Variants in LRRC4C observed in about 807,000 individuals in gnomAD.
LRRC4C encodes the protein leucine rich repeat containing 4C.
Under a neutral mutation model 33.6 loss-of-function variants are expected in LRRC4C, and 5 were observed. The observed-to-expected ratio is 0.15, with a 90% CI of 0.08 to 0.31. LRRC4C has a LOEUF of 0.31. Ranked by LOEUF, LRRC4C falls within the 10% of genes least tolerant of loss-of-function variation. The pLI, the probability that LRRC4C is intolerant of heterozygous loss-of-function variation, is 1.00. For synonymous variants in LRRC4C, 329 were observed against 302.0 expected, an observed-to-expected ratio of 1.09 and a Z score of -0.93; for missense variants, 560 against 796.7, an observed-to-expected ratio of 0.70 and a Z score of 3.58.
intron 2 of LRRC4C, among the ~76,000 whole-genome samples, chr11:40,871,803 AT>A (rs1332556971): frequency 6.6e-6 from 1 of 152,066 alleles, no homozygotes; most frequent in African/African-American, 2.4e-5. Flanking sequence ...ATCCTTCTTT[AT>A]ACCTGCCTTA....
At chr11:41,370,226 C>T (rs918037963) in intron 1 of LRRC4C, among the ~76,000 whole-genome samples, 2 of 152,038 alleles carry the variant, frequency 1.3e-5, no homozygotes, top group Non-Finnish European at 2.9e-5. Flanking sequence ...TATCACCCAC[C>T]AGGCTGAAGT....
chr11:41,025,005 C>A (rs1856243378), intron 1 of LRRC4C, among the ~76,000 whole-genome samples: 1 of 151,534 alleles, frequency 6.6e-6, no homozygotes, highest in Admixed American at 6.6e-5. Context: ...GTGCCACAAA[C>A]CAAGCCCTTA....
At chr11:41,112,964 A>T (rs16935350) in intron 1 of LRRC4C, among the ~76,000 whole-genome samples, 1 of 152,050 alleles carries the variant, frequency 6.6e-6, no homozygotes, top group African/African-American at 2.4e-5. Context: ...ATTAGCGTAT[A>T]TTGGGTTAAA....
chr11:40,854,505 T>C (rs914580946), intron 2 of LRRC4C, among the ~76,000 whole-genome samples: 1 of 152,204 alleles, frequency 6.6e-6, no homozygotes, highest in Admixed American at 6.5e-5. Context: ...GAGGATTTTG[T>C]ATACATAAAA....
At chr11:40,486,632 T>C (rs1953877380) in intron 3 of LRRC4C, among the ~76,000 whole-genome samples, 2 of 151,952 alleles carry the variant, frequency 1.3e-5, no homozygotes, top group African/African-American at 4.8e-5. Context: ...AATATTCTTA[T>C]ATAGAAGACA....
At chr11:40,430,306 G>A (rs956351367) in intron 3 of LRRC4C, among the ~76,000 whole-genome samples, 1 of 152,142 alleles carries the variant, frequency 6.6e-6, no homozygotes, top group Admixed American at 6.6e-5. Flanking sequence ...GATTATTAAT[G>A]TCCTAGAAGA....
intron 3 of LRRC4C, among the ~76,000 whole-genome samples, chr11:40,387,632 C>T (rs1030618770): frequency 6.6e-6 from 1 of 152,090 alleles, no homozygotes; most frequent in African/African-American, 2.4e-5. Context: ...CATTTATTGA[C>T]ATGAAGGTGA....
At chr11:40,218,037 T>C (rs1298163493) in intron 5 of LRRC4C, among the ~76,000 whole-genome samples, 1 of 152,150 alleles carries the variant, frequency 6.6e-6, no homozygotes, top group Non-Finnish European at 1.5e-5. Context: ...ATATTGTGGC[T>C]AAGTGTCAAT....
chr11:40,586,250 T>G (rs11035942), intron 3 of LRRC4C, among the ~76,000 whole-genome samples: 27,689 of 151,726 alleles, frequency 0.18, 2,956 homozygotes, highest in East Asian at 0.48. Context: ...TTTCATGTGT[T>G]TTTTGGCTGC....
intron 1 of LRRC4C, among the ~76,000 whole-genome samples, chr11:41,241,698 C>T (rs79344334): frequency 0.017 from 2,564 of 152,266 alleles, 70 homozygotes; most frequent in African/African-American, 0.059. Context: ...GTAGGTATCA[C>T]TTTTCTTTTG....
intron 1 of LRRC4C, among the ~76,000 whole-genome samples, chr11:41,258,345 G>A (rs186736944): frequency 3.9e-5 from 6 of 152,056 alleles, no homozygotes; most frequent in African/African-American, 1.4e-4. Flanking sequence ...TAGCCTTCAC[G>A]AGTTCTCTAA....
chr11:40,496,709 G>A (rs560603832), intron 3 of LRRC4C, among the ~76,000 whole-genome samples: 2 of 152,154 alleles, frequency 1.3e-5, no homozygotes, highest in African/African-American at 4.8e-5. Context: ...TGATTAATGG[G>A]GAGATAGAAA....
At chr11:41,364,851 A>G (rs1952478403) in intron 1 of LRRC4C, among the ~76,000 whole-genome samples, 1 of 152,140 alleles carries the variant, frequency 6.6e-6, no homozygotes, top group Non-Finnish European at 1.5e-5. Flanking sequence ...CCCCAAATGA[A>G]ACAAATTCAC....
Position 41,250,437 on chromosome 11 carries a change from T to G in LRRC4C, c.-496+208994A>C, listed in dbSNP as rs180869114. On this transcript the variant is annotated intron_variant, in intron 1 of 6. Coordinates refer to ENST00000528697, the MANE Select transcript of LRRC4C (RefSeq NM_001258419.2). ...ACCAATCTACCTTCTGACACTGCCTTGTGTCACTTTGTAAAGGTCATAGAT... is the reference window on the plus strand; with the variant it reads ...ACCAATCTACCTTCTGACACTGCCTGGTGTCACTTTGTAAAGGTCATAGAT... Among the ~76,000 whole-genome samples the G allele has an allele frequency of 1.9e-4, 29 of 152,322 alleles. No homozygotes were observed. In the Middle Eastern group the frequency reaches 0.01, roughly 54 times the overall value.
intron 1 of LRRC4C, among the ~76,000 whole-genome samples, chr11:41,360,589 T>A (rs547954232): frequency 4.3e-4 from 66 of 152,296 alleles, no homozygotes; most frequent in African/African-American, 1.5e-3. Flanking sequence ...TTGAAGAAGT[T>A]ATGCTTAAGT....
chr11:40,454,536 C>T (rs1952044305), intron 3 of LRRC4C, among the ~76,000 whole-genome samples: 1 of 152,122 alleles, frequency 6.6e-6, no homozygotes, highest in Admixed American at 6.6e-5. Flanking sequence ...TGAAAGATAA[C>T]AGTCGGAAGG....
chr11:40,503,201 T>C (rs1234572216), intron 3 of LRRC4C, among the ~76,000 whole-genome samples: 2 of 152,194 alleles, frequency 1.3e-5, no homozygotes, highest in Non-Finnish European at 2.9e-5. Context: ...TGAAGGTATG[T>C]AAAAACATTA....
At chr11:40,370,759 G>A (rs979879205) in intron 3 of LRRC4C, among the ~76,000 whole-genome samples, 5 of 152,120 alleles carry the variant, frequency 3.3e-5, no homozygotes, top group East Asian at 1.9e-4. Flanking sequence ...AAGCAACGAA[G>A]CTATGTACTG....
chr11:41,387,931 C>T (rs548513157), intron 1 of LRRC4C, among the ~76,000 whole-genome samples: 2 of 151,934 alleles, frequency 1.3e-5, no homozygotes, highest in South Asian at 2.1e-4. Context: ...TTAGTTCATT[C>T]TCACAATCTC....
Sources: allele counts gnomAD v4.1 joint callset (sites outside exome capture counted in the v4.1 genomes callset), GRCh38; gene constraint gnomAD v4.1.1; transcripts MANE v1.5; gene names NCBI Gene and HGNC (gene_info 2026-07-23, HGNC 2026-07-21).